FARP2: variants seen among roughly 807,000 people sequenced by gnomAD.
FARP2 encodes the protein FERM, ARHGEF and pleckstrin domain-containing protein 2.
A neutral mutation model predicts 130.5 loss-of-function variants in FARP2; 111 were observed. That is an observed-to-expected ratio of 0.85 (90% CI 0.73 to 1.00). The LOEUF (loss-of-function observed/expected upper bound fraction) is 1.00, where lower values mean the gene tolerates loss of function less well. FARP2 is among the 50% of genes least tolerant of loss of function. FARP2 has a pLI of 0.00. For synonymous variants in FARP2, 504 were observed against 516.9 expected (o/e 0.98, Z 0.34); for missense variants, 1,385 against 1,346.3 (o/e 1.03, Z -0.45).
At chr2:241,403,687 TATATAG>T in intron 2 of FARP2, 135 bp from the exon 3 acceptor site, 1 of 444,442 alleles carries the variant, frequency 2.3e-6, no homozygotes. Flanking sequence ...TTTTTTTTTA[TATATAG>T]TTTATAAATC....
intron 17 of FARP2, among the ~76,000 whole-genome samples, chr2:241,467,663 GGT>G (rs1559799709): frequency 6.6e-6 from 1 of 150,694 alleles, no homozygotes. Flanking sequence ...AAAAAAGTCA[GGT>G]GTGGTTATTC....
intron 5 of FARP2, among the ~76,000 whole-genome samples, chr2:241,409,138 G>A (rs2062448347): frequency 6.6e-6 from 1 of 152,060 alleles, no homozygotes; most frequent in South Asian, 2.1e-4. Context: ...TCAAGTTCTA[G>A]GACTCATGCT....
chr2:241,368,306 T>G (rs1048719269), intron 1 of FARP2, among the ~76,000 whole-genome samples: 1 of 151,966 alleles, frequency 6.6e-6, no homozygotes, highest in Non-Finnish European at 1.5e-5. Context: ...AGATTCTTGG[T>G]TGTTTACTTT....
chr2:241,395,743 G>A (rs553484624), intron 2 of FARP2: 5 of 152,266 alleles, frequency 3.3e-5, no homozygotes, highest in African/African-American at 1.2e-4. Flanking sequence ...ACATCTGAGT[G>A]CCTACTATGT....
chr2:241,403,053 A>T (rs1192407947), intron 2 of FARP2, among the ~76,000 whole-genome samples: 4 of 148,430 alleles, frequency 2.7e-5, no homozygotes, highest in Admixed American at 1.4e-4. Flanking sequence ...TTAATGGGAG[A>T]GTCCGTTGCC....
intron 13 of FARP2, chr2:241,442,619 T>A: frequency 2.9e-6 from 1 of 345,718 alleles, no homozygotes; most frequent in Non-Finnish European, 5.8e-6. Flanking sequence ...ACACAGAAAG[T>A]GACTTTCATT....
intron 1 of FARP2, among the ~76,000 whole-genome samples, chr2:241,361,740 C>G (rs1307420105): frequency 1.3e-5 from 2 of 151,986 alleles, no homozygotes; most frequent in East Asian, 3.9e-4. Context: ...GCCAGATAAC[C>G]CAGTAGGGGA....
intron 8 of FARP2, among the ~76,000 whole-genome samples, chr2:241,425,741 CT>C (rs34033002): frequency 0.42 from 47,089 of 111,074 alleles, 8,985 homozygotes; most frequent in East Asian, 0.64. Context: ...CTCTCTCTCT[CT>C]TTTTTTTTTT....
chr2:241,440,502 T>G (rs1196983097), intron 12 of FARP2, among the ~76,000 whole-genome samples: 1 of 152,060 alleles, frequency 6.6e-6, no homozygotes, highest in East Asian at 1.9e-4. Context: ...GGGAGCTGCT[T>G]CTCCCTCAGA....
At position 241,494,318 on chromosome 2, in the gene FARP2, C is replaced by T; in HGVS notation, c.*193C>T. 2.5e-6 allele frequency: 1 copy of T among 399,156 alleles called. No homozygotes were observed. Among genetic ancestry groups the T allele is most frequent in the African/African-American group, 2.1e-5 (1 of 48,384 alleles). The allele number at this position is 399,156 out of a possible 1,614,324, so 24.7% of individuals were successfully genotyped here. A position where few individuals can be genotyped will look rare whatever the true frequency, so the allele number is the denominator to read the frequency against. On this transcript the variant is annotated 3_prime_UTR_variant, in exon 27 of 27. Transcript: ENST00000264042. The surrounding 1 kb of genome is among the most constrained non-coding windows in gnomAD (Gnocchi z 4.9). Reference sequence around the variant, plus strand: ...CCCCCCACCCAGGACCTAGTGCATGCCAGCAGCTATCTGGGGCCCTGGGAA... The same window carrying T: ...CCCCCCACCCAGGACCTAGTGCATGTCAGCAGCTATCTGGGGCCCTGGGAA...
At chr2:241,433,878 C>T (rs554664059) in intron 9 of FARP2, among the ~76,000 whole-genome samples, 11 of 152,154 alleles carry the variant, frequency 7.2e-5, no homozygotes, top group Admixed American at 4.6e-4. Context: ...ATACAAAAAT[C>T]AGCTGGGCTT....
intron 13 of FARP2, among the ~76,000 whole-genome samples, chr2:241,455,103 T>C (rs1241474929): frequency 6.6e-6 from 1 of 152,220 alleles, no homozygotes; most frequent in Non-Finnish European, 1.5e-5. Context: ...TACACTTACA[T>C]GTTTTAGGTT....
intron 12 of FARP2, among the ~76,000 whole-genome samples, chr2:241,437,882 G>T (rs1396859952): frequency 6.6e-6 from 1 of 151,930 alleles, no homozygotes; most frequent in Non-Finnish European, 1.5e-5. Context: ...AGCCAGGATG[G>T]TCTTGATCTC....
intron 7 of FARP2, among the ~76,000 whole-genome samples, chr2:241,413,760 T>C (rs1003255616): frequency 1.3e-5 from 2 of 152,026 alleles, no homozygotes; most frequent in African/African-American, 4.8e-5. Flanking sequence ...CTGGCCAACA[T>C]AGTGAGACCC....
At chr2:241,421,750 C>G (rs1044547740) in intron 8 of FARP2, among the ~76,000 whole-genome samples, 2 of 152,134 alleles carry the variant, frequency 1.3e-5, no homozygotes, top group African/African-American at 4.8e-5. Context: ...AAGCTGCCTG[C>G]TATCTTTTCT....
At chr2:241,465,432 C>G (rs779630634) in intron 17 of FARP2, 1 of 1,537,340 alleles carries the variant, frequency 6.5e-7, no homozygotes, top group Non-Finnish European at 8.8e-7. Flanking sequence ...TCCACCTTGG[C>G]TGCTAGGCTC....
At chr2:241,422,562 C>A (rs1467924328) in intron 8 of FARP2, among the ~76,000 whole-genome samples, 2 of 152,080 alleles carry the variant, frequency 1.3e-5, no homozygotes, top group Non-Finnish European at 2.9e-5. Context: ...TGCCTCTTCT[C>A]CTCCAAATGA....
intron 7 of FARP2, among the ~76,000 whole-genome samples, chr2:241,415,985 A>G (rs1236328183): frequency 2.6e-5 from 3 of 115,554 alleles, no homozygotes; most frequent in Non-Finnish European, 5.3e-5. Flanking sequence ...CCCTCAGGGT[A>G]GTTCTGTGTG....
intron 2 of FARP2, among the ~76,000 whole-genome samples, chr2:241,399,421 C>T (rs942831360): frequency 6.6e-6 from 1 of 152,222 alleles, no homozygotes. Flanking sequence ...TCTCCTGTCT[C>T]AGCCTCCCAA....
Sources: allele counts gnomAD v4.1 joint callset (sites outside exome capture counted in the v4.1 genomes callset), GRCh38; gene constraint gnomAD v4.1.1; non-coding constraint Gnocchi (gnomAD v3.1); transcripts MANE v1.5; gene names NCBI Gene and HGNC (gene_info 2026-07-23, HGNC 2026-07-21).